Variants in ZFYVE26 observed in about 807,000 individuals in gnomAD.
The protein encoded by ZFYVE26 is zinc finger FYVE domain-containing protein 26.
Under a neutral mutation model 276.5 loss-of-function variants are expected in ZFYVE26, and 181 were observed. That is an observed-to-expected ratio of 0.65 (90% confidence interval 0.58 to 0.74). ZFYVE26 has a LOEUF of 0.74. ZFYVE26 is among the 30% of genes least tolerant of loss of function. The pLI, the probability that ZFYVE26 is intolerant of heterozygous loss-of-function variation, is 0.00. For missense variants in ZFYVE26, 2,821 were observed against 3,097.9 expected, an observed-to-expected ratio of 0.91 and a Z score of 2.12; for synonymous variants, 1,129 against 1,203.1, an observed-to-expected ratio of 0.94 and a Z score of 1.27.
rs967576258 is a variant in ZFYVE26, at chr14:67,733,040, G to A, written n.2680-3221C>T. Among the ~76,000 whole-genome samples, 13 of 152,166 alleles carry A rather than the reference G, an allele frequency of 8.5e-5. No individual in the cohort carries two copies. In the East Asian group the frequency reaches 2.5e-3, roughly 29 times the overall value. On this transcript the variant is annotated intron_variant and non_coding_transcript_variant, in intron 13 of 14. Coordinates refer to the ZFYVE26 transcript ENST00000394455. Reference sequence around the variant, plus strand: ...AATGCTAAATGACGAGTTCATGGGTGCAGCACACCAACATGGCACATGTAT... The same window carrying A: ...AATGCTAAATGACGAGTTCATGGGTACAGCACACCAACATGGCACATGTAT...
At chr14:67,786,274 A>AAAAAAAAAAT in intron 16 of ZFYVE26, 41 bp from the exon 17 acceptor site, 1 of 1,587,982 alleles carries the variant, frequency 6.3e-7, no homozygotes. Context: ...AAAAAAAAAA[A>AAAAAAAAAAT]TTGAAGTGTT....
rs1295336915 is a variant in ZFYVE26, at chr14:67,767,697, C to T, written c.5790+7G>A. 6.2e-7 allele frequency: 1 copy of T among 1,614,108 alleles called. No homozygotes were observed. The highest frequency in any genetic ancestry group is 1.3e-5 in the African/African-American group (1 of 75,014). On this transcript the variant is annotated splice_region_variant and intron_variant, in intron 31 of 41. Transcript: ENST00000347230. Reference sequence around the variant, plus strand: ...CTTAAGTGACCATTGCATTTTATTGCTATTACCTGCTCATAGTAAAATTCA... The same window carrying T: ...CTTAAGTGACCATTGCATTTTATTGTTATTACCTGCTCATAGTAAAATTCA...
At chr14:67,778,064 T>G (rs781221126) in intron 24 of ZFYVE26, 62 bp downstream of exon 24, 1 of 1,609,116 alleles carries the variant, frequency 6.2e-7, no homozygotes, top group Non-Finnish European at 8.5e-7. Flanking sequence ...AATAAAGCCA[T>G]CTGATTTGAC....
intron 27 of ZFYVE26, 94 bp from the exon 28 acceptor site, chr14:67,772,304 C>A: frequency 7.2e-7 from 1 of 1,385,514 alleles, no homozygotes; most frequent in East Asian, 2.5e-5. Flanking sequence ...TTTTACAAAC[C>A]GTTATTGAAA....
chr14:67,794,046 C>G, intron 13 of ZFYVE26, 125 bp downstream of exon 13: 1 of 1,082,756 alleles, frequency 9.2e-7, no homozygotes, highest in East Asian at 2.4e-5. Flanking sequence ...CAGCTAAAAT[C>G]TGGCCATCTG....
At position 67,809,292 on chromosome 14, in the gene ZFYVE26, A is replaced by G. The variant is rs772682819; in HGVS notation, c.274-3T>C. ...CGGAAAACAACTGGGAGTAACTTCT[A>G]GAAGAATCAAAAGAATGAAGCATAG... On this transcript the variant is annotated splice_region_variant and splice_polypyrimidine_tract_variant and intron_variant, in intron 3 of 41. Transcript: ENST00000347230. The G allele has an allele frequency of 6.2e-6, 10 of 1,608,256 alleles. No individual in the cohort carries two copies. In the African/African-American group the frequency reaches 8.0e-5, roughly 13 times the overall value.
chr14:67,745,355 T>C (rs1017838063), downstream of ZFYVE26, among the ~76,000 whole-genome samples: 9 of 152,208 alleles, frequency 5.9e-5, no homozygotes, highest in African/African-American at 1.9e-4. Context: ...ATTCTGTAGG[T>C]TGCCTGTTCA....
chr14:67,735,890 G>A (rs970108813), intron 13 of ZFYVE26, among the ~76,000 whole-genome samples: 5 of 152,192 alleles, frequency 3.3e-5, no homozygotes, highest in Admixed American at 6.5e-5. Flanking sequence ...TCAGAGCACC[G>A]ATTTCCTAGG....
intron 41 of ZFYVE26, 152 bp downstream of exon 41, chr14:67,750,900 C>G (rs774637765): frequency 2.2e-4 from 210 of 958,360 alleles, no homozygotes; most frequent in Non-Finnish European, 3.4e-4. Context: ...CTTTCTACAC[C>G]CCTATCCAAG....
intron 24 of ZFYVE26, 40 bp from the exon 25 acceptor site, chr14:67,777,775 A>G (rs2039386147): frequency 1.2e-6 from 2 of 1,610,806 alleles, no homozygotes; most frequent in Non-Finnish European, 1.7e-6. Flanking sequence ...TGGCCTGCAG[A>G]AGAGCTCTTA....
intron 27 of ZFYVE26, among the ~76,000 whole-genome samples, chr14:67,773,529 G>C (rs1366303854): frequency 8.2e-5 from 3 of 36,492 alleles, no homozygotes; most frequent in Admixed American, 4.1e-4. Context: ...GTGAGATCCT[G>C]TCTCCAAAAA....
chr14:67,759,590 C>T (rs1453567675), intron 35 of ZFYVE26, among the ~76,000 whole-genome samples: 1 of 134,520 alleles, frequency 7.4e-6, no homozygotes, highest in East Asian at 2.2e-4. Flanking sequence ...CACCACCGCG[C>T]TCCAGCCTGG....
At chr14:67,778,641 A>C (rs1451074801) in intron 23 of ZFYVE26, among the ~76,000 whole-genome samples, 1 of 152,234 alleles carries the variant, frequency 6.6e-6, no homozygotes, top group African/African-American at 2.4e-5. Flanking sequence ...AATATGAAAA[A>C]ATAAAAATTC....
Position 67,794,151 on chromosome 14 carries a change from A to G in ZFYVE26, c.2401+20T>C, listed in dbSNP as rs763321069. The stretch of plus-strand genomic sequence containing the variant: ...AGGGCAAAGCTGCTCAAAGTTGGCA[A>G]CTGGTGGAAATCTGCATACCTGACG... On this transcript the variant is annotated intron_variant, in intron 13 of 41. Coordinates refer to ENST00000347230, the MANE Select transcript of ZFYVE26 (RefSeq NM_015346.4). The G allele has an allele frequency of 1.7e-5, 27 of 1,613,684 alleles. No homozygotes were observed. The highest frequency in any genetic ancestry group is 2.1e-5 in the Non-Finnish European group (25 of 1,179,540).
At chr14:67,731,207 C>CTTTT (rs71129853) in intron 13 of ZFYVE26, among the ~76,000 whole-genome samples, 324 of 90,556 alleles carry the variant, frequency 3.6e-3, no homozygotes, top group African/African-American at 0.014. Context: ...TTCTTTCTTT[C>CTTTT]TTTTTTTTTT....
chr14:67,736,397 A>G (rs1258491728), intron 13 of ZFYVE26, among the ~76,000 whole-genome samples: 1 of 152,222 alleles, frequency 6.6e-6, no homozygotes, highest in Non-Finnish European at 1.5e-5. Context: ...ATTTCAAATC[A>G]GTCAGAAAAA....
chr14:67,814,113 T>G (rs908677516), intron 2 of ZFYVE26, 49 bp from the exon 3 acceptor site: 1 of 1,465,842 alleles, frequency 6.8e-7, no homozygotes, highest in Admixed American at 1.7e-5. Flanking sequence ...TCTACTGATC[T>G]TTCATCTTTT....
Position 67,786,224 on chromosome 14 carries a change from A to C in ZFYVE26, c.3029T>G (p.Ile1010Arg). 1 of 1,494,032 alleles carries C rather than the reference A, an allele frequency of 6.7e-7. No homozygotes were observed. The highest frequency in any genetic ancestry group is 9.2e-7 in the Non-Finnish European group (1 of 1,092,450). The allele number at this position is 1,494,032 out of a possible 1,614,324, so 92.5% of individuals were successfully genotyped here. The change falls in exon 17 of 42, where the codon ATA becomes AGA. Residue 1010 changes from isoleucine (I) to arginine (R), a missense_variant. Transcript: ENST00000347230. ...NSSLERRGRR[I>R]DHVLLNADGI... is the part of the protein sequence containing the mutation. ...ATCAGCATTTAGGAGTACGTGGTCT[A>C]TCCGTCGACCTGGAAATAGATGAAG...
At chr14:67,782,315 G>T (rs1210973588) in intron 21 of ZFYVE26, among the ~76,000 whole-genome samples, 1 of 152,204 alleles carries the variant, frequency 6.6e-6, no homozygotes, top group Non-Finnish European at 1.5e-5. Flanking sequence ...TTAGACTGTA[G>T]CCATGCTCAT....
Sources: allele counts gnomAD v4.1 joint callset (sites outside exome capture counted in the v4.1 genomes callset), GRCh38; gene constraint gnomAD v4.1.1; transcripts MANE v1.5; gene names NCBI Gene and HGNC (gene_info 2026-07-23, HGNC 2026-07-21).